Variants in NKAIN3 observed in about 807,000 individuals in gnomAD.
NKAIN3 encodes sodium/potassium transporting ATPase interacting 3.
In NKAIN3, 25 loss-of-function variants were observed where a neutral mutation model predicts 30.2. The observed-to-expected ratio is 0.83, with a 90% CI of 0.60 to 1.16. The LOEUF (loss-of-function observed/expected upper bound fraction) is 1.16, where lower values mean the gene tolerates loss of function less well. Among genes scored for constraint, NKAIN3 ranks in the 50% most tolerant of loss-of-function variants. The probability of loss-of-function intolerance (pLI) is 0.00; values close to 1 mark genes in which losing one functional copy is unlikely to be tolerated. For synonymous variants in NKAIN3, 91 were observed against 89.6 expected (o/e 1.02, Z -0.09); for missense variants, 225 against 254.1 (o/e 0.89, Z 0.78).
intron 1 of NKAIN3, among the ~76,000 whole-genome samples, chr8:62,339,475 A>G (rs1815670818): frequency 6.6e-6 from 1 of 152,024 alleles, no homozygotes; most frequent in Admixed American, 6.6e-5. Flanking sequence ...GTCCGGGGAT[A>G]AAAGTTCAGC....
intron 1 of NKAIN3, among the ~76,000 whole-genome samples, chr8:62,329,029 C>T (rs1427943689): frequency 6.6e-6 from 1 of 151,998 alleles, no homozygotes; most frequent in Non-Finnish European, 1.5e-5. Context: ...TCCATGTCAT[C>T]AGCAGCTTTG....
chr8:62,864,320 A>C, intron 4 of NKAIN3: 1 of 1,472,632 alleles, frequency 6.8e-7, no homozygotes, highest in South Asian at 1.2e-5. Context: ...CCTGAGAAAG[A>C]AAACATTGAG....
intron 1 of NKAIN3, among the ~76,000 whole-genome samples, chr8:62,418,931 G>C (rs955997260): frequency 6.6e-6 from 1 of 152,092 alleles, no homozygotes; most frequent in South Asian, 2.1e-4. Flanking sequence ...CCCTTAATAT[G>C]TTCTCTAGCA....
At chr8:62,889,639 T>C (rs766871214) in intron 4 of NKAIN3, among the ~76,000 whole-genome samples, 6 of 152,210 alleles carry the variant, frequency 3.9e-5, no homozygotes, top group Non-Finnish European at 5.9e-5. Context: ...ATATTTTTTC[T>C]GGTTCTTGTA....
intron 3 of NKAIN3, among the ~76,000 whole-genome samples, chr8:62,717,119 AG>A (rs2130507975): frequency 6.6e-6 from 1 of 152,314 alleles, no homozygotes; most frequent in Admixed American, 6.5e-5. Flanking sequence ...ATAGCAAACA[AG>A]GGCTTGACTA....
In NKAIN3 at chr8:62,966,952, G is replaced by A. The variant is rs556582120; in HGVS notation, c.*1545G>A. 6.6e-6 allele frequency among the ~76,000 whole-genome samples: 1 copy of A among 152,256 alleles called. No homozygotes were observed. The highest frequency in any genetic ancestry group is 1.9e-4 in the East Asian group (1 of 5,186). On this transcript the variant is annotated 3_prime_UTR_variant, in exon 7 of 7. Transcript: ENST00000623646. Reference sequence around the variant, plus strand: ...TCTGTTAAGAATCAGAGTTTAATGTGACAAAGTTTGCCTTCATTCCTCCAA... The same window carrying A: ...TCTGTTAAGAATCAGAGTTTAATGTAACAAAGTTTGCCTTCATTCCTCCAA...
chr8:62,915,738 GGT>G (rs1191226118), intron 4 of NKAIN3, among the ~76,000 whole-genome samples: 1 of 151,938 alleles, frequency 6.6e-6, no homozygotes, highest in Non-Finnish European at 1.5e-5. Context: ...TCTAACATAT[GGT>G]TTAGTAAGAA....
chr8:62,865,296 G>C (rs1478231030), intron 4 of NKAIN3, among the ~76,000 whole-genome samples: 1 of 152,146 alleles, frequency 6.6e-6, no homozygotes, highest in Non-Finnish European at 1.5e-5. Context: ...CAGCATCCTT[G>C]GTTGAATTCT....
At chr8:62,313,968 C>T (rs1814532926) in intron 1 of NKAIN3, among the ~76,000 whole-genome samples, 1 of 152,036 alleles carries the variant, frequency 6.6e-6, no homozygotes, top group African/African-American at 2.4e-5. Flanking sequence ...AAAGTACTCT[C>T]AATTAAAGAG....
chr8:62,811,112 TTGTCATCTCA>T (rs1193480101), intron 4 of NKAIN3, among the ~76,000 whole-genome samples: 1 of 152,130 alleles, frequency 6.6e-6, no homozygotes, highest in Non-Finnish European at 1.5e-5. Context: ...TTGTTATATG[TTGTCATCTCA>T]AGAATTTTTT....
intron 1 of NKAIN3, among the ~76,000 whole-genome samples, chr8:62,431,347 C>T (rs1372703782): frequency 1.3e-5 from 2 of 151,876 alleles, no homozygotes; most frequent in East Asian, 3.9e-4. Flanking sequence ...ATGATTCTTT[C>T]ACTTATATTT....
chr8:62,572,038 T>G (rs927312909), intron 1 of NKAIN3, among the ~76,000 whole-genome samples: 1 of 152,198 alleles, frequency 6.6e-6, no homozygotes, highest in South Asian at 2.1e-4. Flanking sequence ...GTAGCTGGCT[T>G]GAATTTCACC....
At chr8:62,840,328 T>C (rs900072682) in intron 4 of NKAIN3, among the ~76,000 whole-genome samples, 1 of 150,404 alleles carries the variant, frequency 6.6e-6, no homozygotes, top group African/African-American at 2.4e-5. Flanking sequence ...AGTTCCACTA[T>C]AGACATATCC....
At chr8:62,718,012 G>A (rs1814960791) in intron 3 of NKAIN3, among the ~76,000 whole-genome samples, 1 of 152,184 alleles carries the variant, frequency 6.6e-6, no homozygotes, top group Admixed American at 6.5e-5. Flanking sequence ...CACAATCATG[G>A]TGGAGGGTGA....
rs369383355 is a variant in NKAIN3, at chr8:62,881,751, A to G, written c.472-36702A>G. Among the ~76,000 whole-genome samples, 10 of 152,340 alleles carry G rather than the reference A, an allele frequency of 6.6e-5. No homozygotes were observed. In the East Asian group the frequency reaches 1.9e-3, roughly 29 times the overall value. ...TTTTAAACTGTTTTGCATGAATACC[A>G]AAAGGCGTGATTGCTGGATCATATG... On this transcript the variant is annotated intron_variant, in intron 4 of 6. Transcript: ENST00000623646.
chr8:62,562,039 G>A (rs1809599034), intron 1 of NKAIN3, among the ~76,000 whole-genome samples: 1 of 152,150 alleles, frequency 6.6e-6, no homozygotes, highest in Non-Finnish European at 1.5e-5. Context: ...TGTTGACAGT[G>A]TATCTCCATA....
In NKAIN3 at chr8:62,343,384, T is replaced by C. The variant is rs139674629; in HGVS notation, c.54+94257T>C. 5.4e-4 allele frequency among the ~76,000 whole-genome samples: 82 copies of C among 152,254 alleles called. No individual in the cohort carries two copies. In the Middle Eastern group the frequency reaches 0.017, roughly 32 times the overall value. ...CATTATTATTTTTACAAATGTATCC[T>C]ATCTACTCAGGTGACAAATTATTTT... is the stretch of plus-strand genomic sequence containing the variant. On this transcript the variant is annotated intron_variant, in intron 1 of 6. Coordinates refer to ENST00000623646, the MANE Select transcript of NKAIN3 (RefSeq NM_001304533.3).
At chr8:62,326,221 A>C (rs1815121907) in intron 1 of NKAIN3, among the ~76,000 whole-genome samples, 2 of 151,942 alleles carry the variant, frequency 1.3e-5, no homozygotes, top group Admixed American at 1.3e-4. Context: ...CAAATATCCA[A>C]GAGTGGTAAG....
intron 3 of NKAIN3, 106 bp downstream of exon 3, chr8:62,589,900 T>TATA: frequency 2.0e-6 from 1 of 507,842 alleles, no homozygotes; most frequent in African/African-American, 2.0e-5. Flanking sequence ...TGTGTGTGTG[T>TATA]GTGTGTGTGT....
Sources: gnomAD v4.1 joint callset for allele counts (sites outside exome capture counted in the v4.1 genomes callset) on GRCh38, gnomAD v4.1.1 for gene constraint, MANE v1.5 for transcripts, NCBI Gene and HGNC (gene_info 2026-07-23, HGNC 2026-07-21) for gene names.